TNK2: variants seen among roughly 807,000 people sequenced by gnomAD.
TNK2 encodes the protein activated CDC42 kinase 1.
TNK2 carries 83 observed loss-of-function variants against 101.8 expected under a neutral mutation model. That is an observed-to-expected ratio of 0.82 (90% CI 0.68 to 0.98). TNK2 has a LOEUF of 0.98. TNK2 is among the 50% of genes least tolerant of loss of function. The pLI is 0.00. For synonymous variants in TNK2, 804 were observed against 633.0 expected (o/e 1.27, Z -4.06); for missense variants, 1,665 against 1,483.2 (o/e 1.12, Z -2.01).
chr3:195,907,692 C>T (rs578107767), intron 1 of TNK2, among the ~76,000 whole-genome samples: 47 of 152,356 alleles, frequency 3.1e-4, no homozygotes, highest in African/African-American at 1.1e-3. Context: ...TTGGCCCCTA[C>T]AAGCCCTACC....
At chr3:195,877,303 G>A (rs369837998) in intron 9 of TNK2, among the ~76,000 whole-genome samples, 19 of 152,264 alleles carry the variant, frequency 1.2e-4, no homozygotes, top group African/African-American at 1.9e-4. Context: ...TGAGGGAGCC[G>A]GGCCTGGGAA....
At position 195,866,875 on chromosome 3, in the gene TNK2, T is replaced by C. The variant is rs1207845706; in HGVS notation, c.3161+14A>G. On this transcript the variant is annotated intron_variant, in intron 15 of 15. Transcript: ENST00000672887. Reference sequence around the variant, plus strand: ...CTGGGGCACGGAGCGGGGCAGACTGTGGGGCTCACTCACTTGTGGTGGGCA... The same window carrying C: ...CTGGGGCACGGAGCGGGGCAGACTGCGGGGCTCACTCACTTGTGGTGGGCA... 2 of 1,608,478 alleles carry C rather than the reference T, an allele frequency of 1.2e-6. No individual in the cohort carries two copies. The highest frequency in any genetic ancestry group is 1.1e-5 in the South Asian group (1 of 90,274).
intron 1 of TNK2, among the ~76,000 whole-genome samples, chr3:195,897,183 CCCAGGCTTCTGGAGCAAGG>C (rs1279655903): frequency 6.6e-6 from 1 of 152,270 alleles, no homozygotes; most frequent in South Asian, 2.1e-4. Context: ...GTGCGCAGAG[CCCAGGCTTCTGGAGCAAGG>C]CCAGGCTGGG....
chr3:195,906,555 G>A (rs1226760203), intron 1 of TNK2, among the ~76,000 whole-genome samples: 2 of 151,980 alleles, frequency 1.3e-5, no homozygotes, highest in African/African-American at 4.8e-5. Flanking sequence ...GTGACAGAAA[G>A]TAGACCAGCC....
chr3:195,873,900 G>A (rs1333625668), intron 9 of TNK2, among the ~76,000 whole-genome samples: 2 of 152,178 alleles, frequency 1.3e-5, no homozygotes, highest in Non-Finnish European at 2.9e-5. Flanking sequence ...CACTGGCCTG[G>A]CCCCACCACA....
rs368999228 is a variant in TNK2 at position 195,892,537 on chromosome 3, T to A, written c.-18-3931A>T. The A allele has an allele frequency of 5.2e-6, 8 of 1,529,060 alleles. No homozygotes were observed. In the East Asian group the frequency reaches 7.4e-5, roughly 14 times the overall value. 94.7% of individuals were successfully genotyped at this position (1,529,060 alleles called of 1,614,324 possible). On this transcript the variant is annotated intron_variant, in intron 1 of 15. Coordinates refer to ENST00000672887, the MANE Select transcript of TNK2 (RefSeq NM_001382273.1). ...AGCAGTCACTGGGGATCCAGTGGCC[T>A]CGGCTCCGGAGCTTCGCACTCTGCC...
intron 12 of TNK2, 104 bp downstream of exon 12, chr3:195,869,393 A>ACCCGCCCCCCCCCCC: frequency 1.7e-6 from 1 of 584,664 alleles, no homozygotes. Context: ...ACACCCACCC[A>ACCCGCCCCCCCCCCC]CCTCCCCTCC....
chr3:195,882,487 T>TTC lies in TNK2; in HGVS notation c.610-161_610-160dup, dbSNP rs1753613212. The TTC allele has an allele frequency of 6.5e-7, 1 of 1,542,458 alleles. No homozygotes were observed. The highest frequency in any genetic ancestry group is 1.4e-5 in the African/African-American group (1 of 73,166). The stretch of plus-strand genomic sequence containing the variant: ...TGGGGACCTCTAGGAGTCCTGCAGT[T>TTC]TCTCAGGCCTCTCCCTCGAGGCAAT... On this transcript the variant is annotated intron_variant, in intron 5 of 15. Transcript: ENST00000672887. The surrounding 1 kb of genome is among the most constrained non-coding windows in gnomAD (Gnocchi z 4.2).
chr3:195,870,077 A>G (rs1577003470), intron 11 of TNK2, 37 bp downstream of exon 11: 3 of 1,414,444 alleles, frequency 2.1e-6, no homozygotes, highest in Admixed American at 2.9e-5. Flanking sequence ...TGAGTAGCCG[A>G]TGAGTTAGGG....
At chr3:195,895,476 C>T (rs1760218240) in intron 1 of TNK2, 14 of 1,370,526 alleles carry the variant, frequency 1.0e-5, no homozygotes, top group Non-Finnish European at 1.3e-5. Flanking sequence ...CCGCCATCGG[C>T]CGGCGGCCGG....
chr3:195,866,073 A>G (rs1356362991), intron 15 of TNK2, among the ~76,000 whole-genome samples: 1 of 152,156 alleles, frequency 6.6e-6, no homozygotes, highest in East Asian at 1.9e-4. Context: ...TTGACTTGAC[A>G]GCGCTCTCAT....
intron 1 of TNK2, among the ~76,000 whole-genome samples, chr3:195,904,154 A>G (rs542216534): frequency 6.6e-6 from 1 of 151,556 alleles, no homozygotes; most frequent in African/African-American, 2.4e-5. Flanking sequence ...GCTACCCAGG[A>G]GGCTGAGGTG....
intron 9 of TNK2, among the ~76,000 whole-genome samples, chr3:195,877,676 C>T (rs190154381): frequency 3.3e-5 from 5 of 152,170 alleles, no homozygotes; most frequent in East Asian, 1.9e-4. Flanking sequence ...GCTAGAACTG[C>T]GGGGGCTCAG....
At position 195,874,284 on chromosome 3, in the gene TNK2, C is replaced by T. The variant is rs182263574; in HGVS notation, c.1257-1814G>A. 5.2e-3 allele frequency among the ~76,000 whole-genome samples: 785 copies of T among 152,350 alleles called. 5 individuals are homozygous for T. Among genetic ancestry groups the T allele is most frequent in the African/African-American group, 0.018 (745 of 41,592 alleles). On this transcript the variant is annotated intron_variant, in intron 9 of 15. Transcript: ENST00000672887. ...GTCACTCCGTCTGGCCTCTCCCTTCCGCCAACACTGCCCAGCTCCAGGCAC... is the reference window on the plus strand; with the variant it reads ...GTCACTCCGTCTGGCCTCTCCCTTCTGCCAACACTGCCCAGCTCCAGGCAC...
intron 15 of TNK2, 39 bp downstream of exon 15, chr3:195,866,850 C>T: frequency 6.3e-7 from 1 of 1,597,356 alleles, no homozygotes; most frequent in South Asian, 1.1e-5. Context: ...GACAGCCCTC[C>T]TGGGGCACGG....
intron 1 of TNK2, chr3:195,894,217 C>T (rs762376335): frequency 6.6e-6 from 1 of 152,276 alleles, no homozygotes; most frequent in Non-Finnish European, 1.5e-5. Flanking sequence ...GTTATTCCCT[C>T]TATTTCAAAA....
intron 1 of TNK2, among the ~76,000 whole-genome samples, chr3:195,897,036 C>A (rs1760650664): frequency 6.6e-6 from 1 of 152,220 alleles, no homozygotes; most frequent in Admixed American, 6.5e-5. Flanking sequence ...CTCCACCTAC[C>A]TCTTCTCCAA....
rs778541186 is a variant in TNK2 at position 195,888,270 on chromosome 3, C to T, written c.163+156G>A. On this transcript the variant is annotated intron_variant, in intron 2 of 15. Transcript: ENST00000672887. The surrounding 1 kb of genome is among the most constrained non-coding windows in gnomAD (Gnocchi z 5.3). ...TCCAATTCACCTTTATAACTGCCAA[C>T]TGTTCTCATCACACATCAGCACCTA... is the stretch of plus-strand genomic sequence containing the variant. Among the ~76,000 whole-genome samples the T allele has an allele frequency of 5.9e-5, 9 of 152,170 alleles. No homozygotes were observed. Among genetic ancestry groups the T allele is most frequent in the Non-Finnish European group, 1.2e-4 (8 of 68,036 alleles).
chr3:195,895,665 C>A (rs1760282766), intron 1 of TNK2: 1 of 1,187,822 alleles, frequency 8.4e-7, no homozygotes, highest in Non-Finnish European at 1.1e-6. Context: ...GAACCGGGCT[C>A]CACTCAGCCC....
Sources: gnomAD v4.1 joint callset for allele counts (sites outside exome capture counted in the v4.1 genomes callset) on GRCh38, gnomAD v4.1.1 for gene constraint, Gnocchi (gnomAD v3.1) non-coding constraint, MANE v1.5 for transcripts, NCBI Gene and HGNC (gene_info 2026-07-23, HGNC 2026-07-21) for gene names.